The following ITGB1 variants were observed in gnomAD, a reference collection of about 807,000 sequenced individuals.
ITGB1 encodes the protein integrin beta-1.
ITGB1 carries 24 observed loss-of-function variants against 86.5 expected under a neutral mutation model. The ratio of observed to expected loss-of-function variants is 0.28; its 90% confidence interval spans 0.20 to 0.39. The LOEUF is 0.39. Among genes scored for constraint, ITGB1 ranks in the 10% least tolerant of loss-of-function variants. The pLI is 1.00. For synonymous variants in ITGB1, 323 were observed against 316.8 expected (o/e 1.02, Z -0.21); for missense variants, 556 against 946.9 (o/e 0.59, Z 5.42).
At chr10:32,901,766 A>C in intron 15 of ITGB1, 131 bp from the exon 16 acceptor site, 1 of 619,410 alleles carries the variant, frequency 1.6e-6, no homozygotes, top group Non-Finnish European at 2.8e-6. Flanking sequence ...TCCAGATATC[A>C]CAGTTGTTTT....
At chr10:32,918,847 TG>T (rs2094940132) in intron 11 of ITGB1, among the ~76,000 whole-genome samples, 1 of 152,180 alleles carries the variant, frequency 6.6e-6, no homozygotes, top group South Asian at 2.1e-4. Flanking sequence ...AAACATACTG[TG>T]TATACCACTT....
chr10:32,941,986 A>C (rs1391087748), intron 1 of ITGB1, among the ~76,000 whole-genome samples: 1 of 152,214 alleles, frequency 6.6e-6, no homozygotes, highest in Non-Finnish European at 1.5e-5. Flanking sequence ...ATAAGTCAAG[A>C]GTTAGAGACA....
chr10:32,937,665 T>G (rs1435333174), intron 1 of ITGB1, among the ~76,000 whole-genome samples: 6 of 150,432 alleles, frequency 4.0e-5, no homozygotes, highest in Non-Finnish European at 7.4e-5. Context: ...GAGAAGAATA[T>G]AAAAATAATA....
At chr10:32,928,862 C>T (rs1277345253) in intron 4 of ITGB1, among the ~76,000 whole-genome samples, 4 of 151,560 alleles carry the variant, frequency 2.6e-5, no homozygotes, top group Admixed American at 6.6e-5. Context: ...ATACAAGAGA[C>T]GTTAATGTAA....
intron 13 of ITGB1, 77 bp downstream of exon 13, chr10:32,911,371 C>T (rs927042977): frequency 8.1e-7 from 1 of 1,234,358 alleles, no homozygotes; most frequent in East Asian, 2.3e-5. Flanking sequence ...TGGCACTGTT[C>T]TGGTTCTAGA....
intron 3 of ITGB1, among the ~76,000 whole-genome samples, chr10:32,932,016 T>C (rs1441853230): frequency 6.6e-6 from 1 of 152,046 alleles, no homozygotes; most frequent in Non-Finnish European, 1.5e-5. Context: ...GTAGTTTAAC[T>C]CAAATATAAT....
intron 1 of ITGB1, among the ~76,000 whole-genome samples, chr10:32,945,524 G>A (rs1033899415): frequency 1.2e-4 from 18 of 152,170 alleles, no homozygotes; most frequent in African/African-American, 4.3e-4. Flanking sequence ...GCGTGAACCT[G>A]GGAGGTGGAG....
intron 15 of ITGB1, among the ~76,000 whole-genome samples, chr10:32,902,944 T>C (rs1441968779): frequency 1.3e-5 from 2 of 152,126 alleles, no homozygotes; most frequent in Admixed American, 6.5e-5. Flanking sequence ...GAGATTTTCA[T>C]TGTGAAATTG....
chr10:32,916,434 G>T (rs901255669), intron 11 of ITGB1, among the ~76,000 whole-genome samples: 3 of 152,202 alleles, frequency 2.0e-5, no homozygotes, highest in African/African-American at 7.2e-5. Context: ...TGTATATTTA[G>T]AAAACCCCAT....
intron 9 of ITGB1, among the ~76,000 whole-genome samples, chr10:32,921,462 G>A (rs965114329): frequency 6.6e-5 from 10 of 152,114 alleles, no homozygotes; most frequent in African/African-American, 2.4e-4. Context: ...TTTCCAAAGC[G>A]TTATGGTACC....
intron 1 of ITGB1, among the ~76,000 whole-genome samples, chr10:32,940,343 CAA>C (rs35732606): frequency 2.8e-3 from 300 of 108,970 alleles, no homozygotes; most frequent in African/African-American, 7.1e-3. Flanking sequence ...GACTCCATCT[CAA>C]AAAAAAAAAA....
intron 14 of ITGB1, among the ~76,000 whole-genome samples, chr10:32,909,016 T>C (rs1345871709): frequency 6.6e-6 from 1 of 152,224 alleles, no homozygotes; most frequent in Non-Finnish European, 1.5e-5. Flanking sequence ...GCAGAACTTC[T>C]GTAGCAATCA....
At chr10:32,905,627 TG>T in intron 15 of ITGB1, among the ~76,000 whole-genome samples, 1 of 152,360 alleles carries the variant, frequency 6.6e-6, no homozygotes, top group African/African-American at 2.4e-5. Context: ...CTCAGCTCTC[TG>T]ACTAACCAGC....
intron 1 of ITGB1, among the ~76,000 whole-genome samples, chr10:32,940,718 T>C (rs1168796143): frequency 6.6e-6 from 1 of 152,256 alleles, no homozygotes; most frequent in Non-Finnish European, 1.5e-5. Flanking sequence ...ACTCTCTGCA[T>C]TCATTCGTTC....
intron 11 of ITGB1, among the ~76,000 whole-genome samples, chr10:32,916,145 TTGA>T (rs2094930735): frequency 6.6e-6 from 1 of 152,204 alleles, no homozygotes; most frequent in South Asian, 2.1e-4. Context: ...AAACTAGGTA[TTGA>T]TGGGATGTGT....
intron 9 of ITGB1, among the ~76,000 whole-genome samples, chr10:32,921,051 C>T (rs139308827): frequency 5.6e-4 from 84 of 151,324 alleles, no homozygotes; most frequent in African/African-American, 1.9e-3. Flanking sequence ...TCTTCCCCAT[C>T]GGCAAAATGG....
At chr10:32,938,614 C>A (rs1031273775) in intron 1 of ITGB1, among the ~76,000 whole-genome samples, 2 of 152,182 alleles carry the variant, frequency 1.3e-5, no homozygotes, top group Non-Finnish European at 2.9e-5. Flanking sequence ...GCTCCAAACC[C>A]GGAAGCAGGC....
intron 6 of ITGB1, among the ~76,000 whole-genome samples, chr10:32,924,387 T>G (rs1286579890): frequency 6.6e-6 from 1 of 152,264 alleles, no homozygotes; most frequent in Non-Finnish European, 1.5e-5. Context: ...TGGTAATTTA[T>G]AATTATAAAA....
At chr10:32,942,699 G>GC (rs1162232836) in intron 1 of ITGB1, among the ~76,000 whole-genome samples, 3 of 140,920 alleles carry the variant, frequency 2.1e-5, no homozygotes, top group East Asian at 2.0e-4. Flanking sequence ...TTTTTTTTTG[G>GC]GGGGAGACAG....
Sources: allele counts gnomAD v4.1 joint callset (sites outside exome capture counted in the v4.1 genomes callset), GRCh38; gene constraint gnomAD v4.1.1; transcripts MANE v1.5; gene names NCBI Gene and HGNC (gene_info 2026-07-23, HGNC 2026-07-21).